Variants in PRR14L observed in about 807,000 individuals in gnomAD.
PRR14L encodes proline rich 14 like, also known as protein PRR14L.
Under a neutral mutation model 155.0 loss-of-function variants are expected in PRR14L, and 80 were observed. The ratio of observed to expected loss-of-function variants is 0.52; its 90% CI spans 0.43 to 0.62. PRR14L has a LOEUF of 0.62. Among genes scored for constraint, PRR14L ranks in the 20% least tolerant of loss-of-function variants. The probability of loss-of-function intolerance (pLI) is 0.00; values close to 1 mark genes in which losing one functional copy is unlikely to be tolerated. For synonymous variants in PRR14L, 883 were observed against 916.0 expected (o/e 0.96, Z 0.65); for missense variants, 2,469 against 2,548.0 (o/e 0.97, Z 0.67).
chr22:31,738,649 T>A lies in PRR14L; in HGVS notation c.212A>T (p.His71Leu). Residue 71 changes from histidine (H) to leucine (L), a missense_variant, in exon 2 of 9, where the codon CAT becomes CTT. Transcript: ENST00000327423. ...GGTTTCTTCACAACAACTCTCCACA[T>A]GAGTCCTCTGCAGCTCCAAGGGCAA... ...RALPLELQRTHVESCCEETYE... is the reference protein window; with the variant it reads ...RALPLELQRTLVESCCEETYE... 1 of 1,552,068 alleles carries A rather than the reference T, an allele frequency of 6.4e-7. No individual in the cohort carries two copies. Among genetic ancestry groups the A allele is most frequent in the Non-Finnish European group, 8.7e-7 (1 of 1,147,044 alleles).
intron 7 of PRR14L, 151 bp from the exon 8 acceptor site, chr22:31,688,378 C>G: frequency 1.8e-6 from 2 of 1,091,442 alleles, no homozygotes; most frequent in South Asian, 3.7e-5. Flanking sequence ...CCTCAGCCTC[C>G]TGAGTAGCTG....
intron 7 of PRR14L, among the ~76,000 whole-genome samples, chr22:31,689,733 C>T (rs555652009): frequency 6.6e-6 from 1 of 152,002 alleles, no homozygotes; most frequent in African/African-American, 2.4e-5. Context: ...CCACAGCCGG[C>T]TTATTTTTTT....
Position 31,685,709 on chromosome 22 carries a change from C to T in PRR14L, c.6274G>A (p.Asp2092Asn). The T allele has an allele frequency of 6.4e-7, 1 of 1,551,692 alleles. No individual in the cohort carries two copies. Among genetic ancestry groups the T allele is most frequent in the South Asian group, 1.2e-5 (1 of 84,056 alleles). ...CTCCTCTTTCGCGGGACTGTAAAAT[C>T]CTGAAATTCTAGAACTCGCTTCCTC... ...QKRKRVLEFQ[D>N]FTVPRKRRAR... The change falls in exon 9 of 9, where the codon GAT becomes AAT. Residue 2092 changes from aspartate to asparagine, a missense_variant. Asp to Asn is a conservative substitution (Grantham distance 23, BLOSUM62 1). This residue lies in a region of PRR14L where 106 missense variants were observed against 176.4 expected (regional missense o/e 0.60). Coordinates refer to ENST00000327423, the MANE Select transcript of PRR14L (RefSeq NM_173566.3).
intron 8 of PRR14L, among the ~76,000 whole-genome samples, chr22:31,687,199 G>C (rs1389445538): frequency 1.3e-5 from 2 of 151,522 alleles, no homozygotes; most frequent in Non-Finnish European, 2.9e-5. Flanking sequence ...CACCACGCCT[G>C]GGTAATTTTG....
At position 31,712,196 on chromosome 22, in the gene PRR14L, C is replaced by G. The variant is rs748298020; in HGVS notation, c.5643G>C (p.Val1881=). The G allele has an allele frequency of 4.3e-6, 7 of 1,614,152 alleles. No individual in the cohort carries two copies. The South Asian group carries it at 5.5e-5, about 13-fold the overall frequency. Reference sequence around the variant, plus strand: ...GGCTCCAAATGGATAGGACTCTGCCCACCGAGTAGGGCAGAGAACAGAAGA... The same window carrying G: ...GGCTCCAAATGGATAGGACTCTGCCGACCGAGTAGGGCAGAGAACAGAAGA... The part of the protein sequence containing the change: ...DKVFCSLPYS[V]GRVLSIWSQH... The change falls in exon 4 of 9, where the codon GTG becomes GTC. Residue 1881 remains valine, a synonymous_variant. Coordinates refer to ENST00000327423, the MANE Select transcript of PRR14L (RefSeq NM_173566.3).
At chr22:31,731,207 G>A (rs2074747192) in intron 2 of PRR14L, among the ~76,000 whole-genome samples, 1 of 152,120 alleles carries the variant, frequency 6.6e-6, no homozygotes, top group Non-Finnish European at 1.5e-5. Flanking sequence ...CAAGGTGTCT[G>A]TTGCTACCTC....
At position 31,713,279 on chromosome 22, in the gene PRR14L, CTTCT is replaced by C; in HGVS notation, c.4556_4559del (p.Lys1519SerfsTer22). On this transcript the variant is annotated frameshift_variant, in exon 4 of 9. Transcript: ENST00000327423. LOFTEE classifies it high-confidence loss of function. ...CTTTCTTACAAGTTCGATGGGGCTG[CTTCT>C]TTAAGGGAAGAACTCCTTTCTTCGC... The C allele has an allele frequency of 6.4e-7, 1 of 1,552,204 alleles. No individual in the cohort carries two copies.
chr22:31,738,297 A>C, intron 2 of PRR14L, 90 bp downstream of exon 2: 1 of 1,098,794 alleles, frequency 9.1e-7, no homozygotes, highest in South Asian at 1.6e-5. Flanking sequence ...TTCAAGAATA[A>C]ATCATGAGCC....
At chr22:31,741,252 CAAAAAAAAA>C (rs139593821) in intron 1 of PRR14L, among the ~76,000 whole-genome samples, 9 of 25,694 alleles carry the variant, frequency 3.5e-4, no homozygotes, top group African/African-American at 9.8e-4. Context: ...GGCTCTGTCT[CAAAAAAAAA>C]AAAAAAAAAA....
chr22:31,718,313 T>A (rs1000093220), intron 3 of PRR14L, among the ~76,000 whole-genome samples: 10 of 150,852 alleles, frequency 6.6e-5, no homozygotes, highest in African/African-American at 2.4e-4. Context: ...TGGAGTGCAG[T>A]GGCGCAATCT....
In PRR14L at chr22:31,712,324, G is replaced by T; in HGVS notation, c.5515C>A (p.Arg1839=). The stretch of plus-strand genomic sequence containing the variant: ...GTAGGCATGTGGCTGGAGAAGCTCC[G>T]TTTTTTTGTCCAGATTCGGTAACAT... The part of the protein sequence containing the change: ...PGCYRIWTKK[R]SFSSHMPTMQ... Residue 1839 remains arginine (R), a synonymous_variant, in exon 4 of 9, where the codon CGG becomes AGG. Coordinates refer to ENST00000327423, the MANE Select transcript of PRR14L (RefSeq NM_173566.3). 1 of 1,614,048 alleles carries T rather than the reference G, an allele frequency of 6.2e-7. No homozygotes were observed. Among genetic ancestry groups the T allele is most frequent in the Non-Finnish European group, 8.5e-7 (1 of 1,179,998 alleles).
At position 31,713,673 on chromosome 22, in the gene PRR14L, T is replaced by C. The variant is rs767505882; in HGVS notation, c.4166A>G (p.Gln1389Arg). The change falls in exon 4 of 9, where the codon CAG (glutamine) becomes CGG (arginine). Residue 1389 changes from glutamine to arginine, a missense_variant. Gln to Arg is a conservative substitution (Grantham distance 43). Around this residue, in one of 2 missense-constraint regions of PRR14L, gnomAD observed 2,363 missense variants for 2,371.6 expected, o/e 1.00. Transcript: ENST00000327423. ...CRGILNHAEK[Q>R]QSPEVLDYML... The stretch of plus-strand genomic sequence containing the variant: ...GTAGTCCAAAACCTCAGGGCTCTGC[T>C]GTTTTTCAGCATGATTAAGTATCCC... 1 of 1,552,154 alleles carries C rather than the reference T, an allele frequency of 6.4e-7. No homozygotes were observed. Among genetic ancestry groups the C allele is most frequent in the South Asian group, 1.2e-5 (1 of 84,064 alleles).
chr22:31,732,440 A>C (rs1264155168), intron 2 of PRR14L, among the ~76,000 whole-genome samples: 3 of 152,150 alleles, frequency 2.0e-5, no homozygotes, highest in African/African-American at 7.2e-5. Flanking sequence ...GGAGTTGGAA[A>C]TTTTGCTATG....
At chr22:31,728,073 C>T (rs2074727539) in intron 2 of PRR14L, among the ~76,000 whole-genome samples, 1 of 151,860 alleles carries the variant, frequency 6.6e-6, no homozygotes, top group African/African-American at 2.4e-5. Flanking sequence ...ACAGCCTTAC[C>T]ATGGTGGTGG....
rs2074706692 is a variant in PRR14L, at chr22:31,724,492, C to T, written c.547+1046G>A. Reference sequence around the variant, plus strand: ...CACGGCTCACTACAGCCTCAACCTCCCAGGGCTCAAGTATCCTTCTGCCTT... The same window carrying T: ...CACGGCTCACTACAGCCTCAACCTCTCAGGGCTCAAGTATCCTTCTGCCTT... On this transcript the variant is annotated intron_variant, in intron 3 of 8. Transcript: ENST00000327423. Among the ~76,000 whole-genome samples, 4 of 152,258 alleles carry T rather than the reference C, an allele frequency of 2.6e-5. 1 individual carries two copies. Among genetic ancestry groups the T allele is most frequent in the African/African-American group, 9.6e-5 (4 of 41,552 alleles).
chr22:31,707,723 T>C (rs1050575869), intron 4 of PRR14L, among the ~76,000 whole-genome samples: 3 of 152,014 alleles, frequency 2.0e-5, no homozygotes, highest in East Asian at 1.9e-4. Context: ...CCTAAACACA[T>C]AGCAGAGCAA....
rs1331147312 is a variant in PRR14L, at chr22:31,745,853, A to T, written c.-52+4140T>A. ...GAGGGAGACTCAGTTTAAAAAAAAA[A>T]AAAAAAAAATATATATATATATATA... On this transcript the variant is annotated intron_variant, in intron 1 of 8. Coordinates refer to ENST00000327423, the MANE Select transcript of PRR14L (RefSeq NM_173566.3). Among the ~76,000 whole-genome samples the T allele has an allele frequency of 6.5e-3, 947 of 145,964 alleles. 11 individuals are homozygous for T. Among genetic ancestry groups the T allele is most frequent in the East Asian group, 0.035 (175 of 5,044 alleles).
intron 4 of PRR14L, among the ~76,000 whole-genome samples, chr22:31,709,609 C>T (rs946178433): frequency 1.0e-4 from 14 of 137,588 alleles, no homozygotes; most frequent in Middle Eastern, 3.9e-3. Flanking sequence ...GGCACGATCT[C>T]GGGTCACTGC....
rs541825555 is a variant in PRR14L, at chr22:31,725,023, T to C, written c.547+515A>G. Among the ~76,000 whole-genome samples the C allele has an allele frequency of 7.2e-5, 11 of 152,308 alleles. No individual in the cohort carries two copies. In the East Asian group the frequency reaches 1.9e-3, roughly 27 times the overall value. On this transcript the variant is annotated intron_variant, in intron 3 of 8. Coordinates refer to ENST00000327423, the MANE Select transcript of PRR14L (RefSeq NM_173566.3). Reference sequence around the variant, plus strand: ...AACTATACTGGGTACATGTCTCCCCTGTTCCAGTTAACCCTTCTAAACAGG... The same window carrying C: ...AACTATACTGGGTACATGTCTCCCCCGTTCCAGTTAACCCTTCTAAACAGG...
Sources: gnomAD v4.1 joint callset for allele counts (sites outside exome capture counted in the v4.1 genomes callset) on GRCh38, gnomAD v4.1.1 for gene constraint, gnomAD v4.1.1 regional missense constraint, MANE v1.5 for transcripts, NCBI Gene and HGNC (gene_info 2026-07-23, HGNC 2026-07-21) for gene names.